The following CPS1 variants were observed in gnomAD, a reference collection of about 807,000 sequenced individuals.
CPS1 encodes carbamoyl-phosphate synthase [ammonia], mitochondrial.
In CPS1, 109 loss-of-function variants were observed where a neutral mutation model predicts 174.6. The observed-to-expected ratio is 0.62, with a 90% CI of 0.53 to 0.73. The LOEUF is 0.73. CPS1 is among the 30% of genes least tolerant of loss of function. The pLI, the probability that CPS1 is intolerant of heterozygous loss-of-function variation, is 0.00. For missense variants in CPS1, 1,689 were observed against 1,821.9 expected (o/e 0.93, Z 1.33); for synonymous variants, 637 against 632.0 (o/e 1.01, Z -0.12).
At chr2:210,624,966 A>G (rs1292042193) in intron 21 of CPS1, among the ~76,000 whole-genome samples, 1 of 152,072 alleles carries the variant, frequency 6.6e-6, no homozygotes, top group Non-Finnish European at 1.5e-5. Flanking sequence ...ATATCTATAA[A>G]TAGTCAATAA....
chr2:210,596,996 T>C (rs1698504776), intron 13 of CPS1, among the ~76,000 whole-genome samples: 1 of 151,902 alleles, frequency 6.6e-6, no homozygotes, highest in Non-Finnish European at 1.5e-5. Flanking sequence ...GATTTAAAAT[T>C]AAGATTGCAA....
At chr2:210,633,469 G>A (rs1699934362) in intron 21 of CPS1, among the ~76,000 whole-genome samples, 4 of 152,090 alleles carry the variant, frequency 2.6e-5, no homozygotes, top group Admixed American at 2.6e-4. Context: ...TGCTAGAGAT[G>A]TCTACATACA....
intron 21 of CPS1, among the ~76,000 whole-genome samples, chr2:210,617,206 C>CA (rs1699339507): frequency 6.6e-6 from 1 of 151,976 alleles, no homozygotes; most frequent in Admixed American, 6.6e-5. Context: ...ACTGCTGGGG[C>CA]ACCTTAGGCT....
chr2:210,532,752 C>T (rs904738480), intron 1 of CPS1, among the ~76,000 whole-genome samples: 1 of 151,992 alleles, frequency 6.6e-6, no homozygotes, highest in Non-Finnish European at 1.5e-5. Context: ...AGTTTAATGC[C>T]AATAAAACAG....
chr2:210,498,383 A>G (rs1046925448), intron 1 of CPS1, among the ~76,000 whole-genome samples: 16 of 151,928 alleles, frequency 1.1e-4, no homozygotes, highest in African/African-American at 3.9e-4. Flanking sequence ...GGTTAAATAT[A>G]TTTCTAGGTA....
chr2:210,528,860 C>G (rs574041834), intron 1 of CPS1, among the ~76,000 whole-genome samples: 1 of 128,742 alleles, frequency 7.8e-6, no homozygotes, highest in African/African-American at 3.0e-5. Flanking sequence ...GAAAATTTGA[C>G]AGGACATTGT....
chr2:210,599,572 A>G lies in CPS1; in HGVS notation c.1549+11A>G. 6.2e-7 allele frequency: 1 copy of G among 1,611,774 alleles called. No homozygotes were observed. Among genetic ancestry groups the G allele is most frequent in the East Asian group, 2.2e-5 (1 of 44,796 alleles). The stretch of plus-strand genomic sequence containing the variant: ...CAGCTCTGAACTGTGGTGAGTTCTT[A>G]TAAGCTTAATTGCAGAGTTTTGACA... On this transcript the variant is annotated intron_variant, in intron 14 of 37. Transcript: ENST00000233072.
chr2:210,507,252 C>G (rs749409980), intron 1 of CPS1, among the ~76,000 whole-genome samples: 20 of 152,110 alleles, frequency 1.3e-4, no homozygotes, highest in Non-Finnish European at 2.6e-4. Context: ...AATTTTCAAC[C>G]CAGAATTTCT....
At chr2:210,674,802 C>A in intron 34 of CPS1, 100 bp from the exon 35 acceptor site, 1 of 974,182 alleles carries the variant, frequency 1.0e-6, no homozygotes, top group Non-Finnish European at 1.7e-6. Context: ...CATCCGGCAA[C>A]ATGTAACATT....
intron 1 of CPS1, among the ~76,000 whole-genome samples, chr2:210,546,057 G>A (rs527971292): frequency 5.2e-4 from 79 of 152,100 alleles, no homozygotes; most frequent in African/African-American, 1.8e-3. Flanking sequence ...GTTCAATCTT[G>A]AGAGTAGAAA....
At position 210,538,862 on chromosome 2, in the gene CPS1, A is replaced by G. The variant is rs963725457; in HGVS notation, c.4-17857A>G. On this transcript the variant is annotated intron_variant, in intron 1 of 38. Transcript: ENST00000430249. ...ATGTGAAAAAATTGAAACATTACAA[A>G]TAAGTTTAAGATCTTCCTATGGGAA... Among the ~76,000 whole-genome samples, 13 of 152,264 alleles carry G rather than the reference A, an allele frequency of 8.5e-5. No individual in the cohort carries two copies. In the East Asian group the frequency reaches 2.3e-3, roughly 27 times the overall value.
chr2:210,662,409 C>T (rs1293614799), intron 32 of CPS1, among the ~76,000 whole-genome samples: 1 of 152,142 alleles, frequency 6.6e-6, no homozygotes, highest in Non-Finnish European at 1.5e-5. Flanking sequence ...GACTCCCAAG[C>T]TAGAATTCCC....
intron 1 of CPS1, among the ~76,000 whole-genome samples, chr2:210,481,945 T>C (rs1405593305): frequency 3.3e-5 from 5 of 152,234 alleles, no homozygotes. Context: ...CCAGTGGCTA[T>C]GGCAACAGCC....
chr2:210,670,492 A>AT (rs5838216), intron 34 of CPS1, among the ~76,000 whole-genome samples: 86,726 of 151,970 alleles, frequency 0.57, 26,285 homozygotes, highest in South Asian at 0.67. Flanking sequence ...GCAATTGCAG[A>AT]TAAAGTAATT....
chr2:210,559,801 A>G (rs184733007), intron 1 of CPS1, among the ~76,000 whole-genome samples: 162 of 152,294 alleles, frequency 1.1e-3, no homozygotes, highest in Admixed American at 1.7e-3. Context: ...TCATCTGTAT[A>G]GTGCAAATGA....
chr2:210,673,356 C>T (rs1701382553), intron 34 of CPS1: 1 of 152,190 alleles, frequency 6.6e-6, no homozygotes, highest in East Asian at 1.9e-4. Flanking sequence ...CTTGCAAACA[C>T]TAGCTCTTGA....
At chr2:210,484,093 C>A (rs927768875) in intron 1 of CPS1, among the ~76,000 whole-genome samples, 1 of 152,012 alleles carries the variant, frequency 6.6e-6, no homozygotes, top group Non-Finnish European at 1.5e-5. Context: ...ACTAAGGAAA[C>A]CATGAGAACT....
upstream of CPS1, chr2:210,556,376 A>G (rs550835624): frequency 8.4e-6 from 4 of 476,430 alleles, no homozygotes; most frequent in East Asian, 1.3e-4. Context: ...AAGGTTGTCC[A>G]TGATGTCTAG....
intron 1 of CPS1, among the ~76,000 whole-genome samples, chr2:210,542,777 GT>G (rs2106015123): frequency 6.6e-6 from 1 of 152,086 alleles, no homozygotes; most frequent in South Asian, 2.1e-4. Flanking sequence ...TTCTCATCCA[GT>G]TTCTATTCTT....
Sources: gnomAD v4.1 joint callset for allele counts (sites outside exome capture counted in the v4.1 genomes callset) on GRCh38, gnomAD v4.1.1 for gene constraint, MANE v1.5 for transcripts, NCBI Gene and HGNC (gene_info 2026-07-23, HGNC 2026-07-21) for gene names.